Variants in RNF17 observed in about 807,000 individuals in gnomAD.
RNF17 encodes spermatogenesis associated 23.
RNF17 carries 31 observed loss-of-function variants against 200.5 expected under a neutral mutation model. That is an observed-to-expected ratio of 0.15 (90% confidence interval 0.12 to 0.21). The LOEUF (loss-of-function observed/expected upper bound fraction) is 0.21. Ranked by LOEUF, RNF17 falls within the 10% of genes least tolerant of loss-of-function variation. The pLI, the probability that RNF17 is intolerant of heterozygous loss-of-function variation, is 1.00. For missense variants in RNF17, 1,628 were observed against 1,905.1 expected (o/e 0.85, Z 2.71); for synonymous variants, 606 against 637.8 (o/e 0.95, Z 0.75).
intron 32 of RNF17, among the ~76,000 whole-genome samples, chr13:24,873,824 C>G (rs1489571157): frequency 1.3e-5 from 2 of 152,122 alleles, no homozygotes; most frequent in African/African-American, 4.8e-5. Context: ...ATTTGTCTTT[C>G]TGTGCTTGTC....
In RNF17 at chr13:24,870,680, C is replaced by T. The variant is rs146604608; in HGVS notation, c.4388C>T (p.Ala1463Val). ...TCAGAATCCGAGAGCCTTGATGAAG[C>T]ACTGCAGAGGGTTAATAAGAAGGTA... ...GESESESLDE[A>V]LQRVNKKVEA... The change falls in exon 32 of 36, where the codon GCA becomes GTA. Residue 1463 changes from alanine to valine, a missense_variant. Coordinates refer to ENST00000255324, the MANE Select transcript of RNF17 (RefSeq NM_031277.3). The T allele has an allele frequency of 7.2e-4, 1,167 of 1,614,130 alleles. 3 individuals are homozygous for T. The highest frequency in any genetic ancestry group is 2.9e-3 in the South Asian group (260 of 91,082).
chr13:24,789,520 G>C, intron 8 of RNF17, 96 bp downstream of exon 8: 6 of 1,041,242 alleles, frequency 5.8e-6, no homozygotes, highest in Non-Finnish European at 7.3e-6. Flanking sequence ...TTGAAATTTT[G>C]GGTCACAAAT....
At chr13:24,802,287 T>C in intron 13 of RNF17, 94 bp from the exon 14 acceptor site, 1 of 1,129,816 alleles carries the variant, frequency 8.9e-7, no homozygotes. Context: ...TTGTTCGCAG[T>C]TGCGTCTGTG....
chr13:24,865,127 T>TA (rs1893486654), intron 29 of RNF17, 129 bp downstream of exon 29: 7 of 646,718 alleles, frequency 1.1e-5, no homozygotes, highest in Admixed American at 3.4e-5. Context: ...CTAGAGGACT[T>TA]ACACATTTTT....
At chr13:24,787,404 T>C (rs1177478754) in intron 6 of RNF17, among the ~76,000 whole-genome samples, 1 of 152,310 alleles carries the variant, frequency 6.6e-6, no homozygotes, top group East Asian at 1.9e-4. Flanking sequence ...CCTTGTGGTA[T>C]TTTTGTTGAA....
At chr13:24,844,896 C>A (rs949849563) in intron 21 of RNF17, 65 bp from the exon 22 acceptor site, 1 of 1,550,448 alleles carries the variant, frequency 6.4e-7, no homozygotes, top group Non-Finnish European at 8.8e-7. Context: ...TTGAGTTTTT[C>A]AGTTTGCCAA....
intron 25 of RNF17, among the ~76,000 whole-genome samples, chr13:24,857,848 C>T (rs1431043879): frequency 5.9e-5 from 9 of 152,240 alleles, no homozygotes; most frequent in South Asian, 2.1e-4. Flanking sequence ...TAGTGAGCTG[C>T]GTTCATGCCA....
chr13:24,851,500 A>G lies in RNF17; in HGVS notation c.3249A>G (p.Arg1083=), dbSNP rs1207892334. Reference sequence around the variant, plus strand: ...CATTACCTGTGAAAATTTTCTGCAGAGATGAAAAAGGAGAGCGTGTTGATG... The same window carrying G: ...CATTACCTGTGAAAATTTTCTGCAGGGATGAAAAAGGAGAGCGTGTTGATG... ...TWPLPVKIFC[R]DEKGERVDVS... Residue 1083 remains arginine, a synonymous_variant, in exon 24 of 36, where the codon AGA becomes AGG. Coordinates refer to ENST00000255324, the MANE Select transcript of RNF17 (RefSeq NM_031277.3). The G allele has an allele frequency of 6.2e-7, 1 of 1,613,872 alleles. No individual in the cohort carries two copies. Among genetic ancestry groups the G allele is most frequent in the Admixed American group, 1.7e-5 (1 of 59,974 alleles).
intron 11 of RNF17, among the ~76,000 whole-genome samples, chr13:24,796,696 C>A (rs1279904366): frequency 7.9e-5 from 12 of 152,106 alleles, no homozygotes; most frequent in Admixed American, 7.9e-4. Context: ...ATTCAGGAGG[C>A]CTGTGGCACC....
intron 12 of RNF17, 26 bp from the exon 13 acceptor site, chr13:24,800,340 A>G (rs780515204): frequency 2.0e-6 from 3 of 1,486,278 alleles, no homozygotes; most frequent in Non-Finnish European, 2.7e-6. Context: ...ATTATTTTCA[A>G]TAAATATTAC....
At chr13:24,813,337 G>A (rs930234464) in intron 15 of RNF17, among the ~76,000 whole-genome samples, 3 of 151,634 alleles carry the variant, frequency 2.0e-5, no homozygotes, top group Admixed American at 1.3e-4. Context: ...TTATTATTTT[G>A]TAGACACAGG....
At chr13:24,849,700 A>G (rs984643065) in intron 22 of RNF17, among the ~76,000 whole-genome samples, 2 of 152,228 alleles carry the variant, frequency 1.3e-5, no homozygotes, top group Non-Finnish European at 2.9e-5. Context: ...AGCTTAGGCT[A>G]TGGTACTGCT....
intron 31 of RNF17, among the ~76,000 whole-genome samples, chr13:24,869,376 A>G (rs1894003558): frequency 6.6e-6 from 1 of 152,194 alleles, no homozygotes; most frequent in Non-Finnish European, 1.5e-5. Flanking sequence ...TATGCTCTAT[A>G]TAGTTGCTAA....
intron 15 of RNF17, among the ~76,000 whole-genome samples, chr13:24,825,379 TGAA>T (rs745800928): frequency 6.8e-4 from 104 of 152,332 alleles, no homozygotes; most frequent in Non-Finnish European, 1.3e-3. Context: ...AAAAATATCT[TGAA>T]GAATATATAC....
At chr13:24,768,948 T>C (rs1486062842) in intron 2 of RNF17, among the ~76,000 whole-genome samples, 2 of 151,460 alleles carry the variant, frequency 1.3e-5, no homozygotes, top group African/African-American at 4.8e-5. Context: ...AAAAATTACA[T>C]ATTAGTAGCT....
chr13:24,825,704 G>C lies in RNF17; in HGVS notation c.2177G>C (p.Cys726Ser). ...GATGGAGAAAATCTGGAAATCCTCT[G>C]TCCAGTTCAAGATCAAGCCTGTGTA... ...SEDGENLEIL[C>S]PVQDQACVAK... The change falls in exon 16 of 36, where the codon TGT becomes TCT. Residue 726 changes from cysteine (C) to serine (S), a missense_variant. By Grantham distance (112) the Cys-to-Ser change is moderately radical (BLOSUM62 -1). Transcript: ENST00000255324. 6.2e-7 allele frequency: 1 copy of C among 1,613,434 alleles called. No individual in the cohort carries two copies.
At chr13:24,789,825 TTATC>T in intron 9 of RNF17, 53 bp downstream of exon 9, 1 of 997,798 alleles carries the variant, frequency 1.0e-6, no homozygotes. Flanking sequence ...AGTACTTACA[TTATC>T]TAAGAGACAG....
At chr13:24,803,062 G>A (rs1005349612) in intron 14 of RNF17, among the ~76,000 whole-genome samples, 7 of 151,958 alleles carry the variant, frequency 4.6e-5, no homozygotes, top group Admixed American at 2.6e-4. Flanking sequence ...AAAGAAAAAC[G>A]AAAATTAGAA....
At chr13:24,867,261 C>A (rs1893732919) in intron 30 of RNF17, among the ~76,000 whole-genome samples, 1 of 152,202 alleles carries the variant, frequency 6.6e-6, no homozygotes, top group African/African-American at 2.4e-5. Flanking sequence ...CTCCGGGGCT[C>A]AAGCAGCCCT....
Sources: allele counts gnomAD v4.1 joint callset (sites outside exome capture counted in the v4.1 genomes callset), GRCh38; gene constraint gnomAD v4.1.1; transcripts MANE v1.5; gene names NCBI Gene and HGNC (gene_info 2026-07-23, HGNC 2026-07-21).